The following ST6GAL1 variants were observed in gnomAD, a reference collection of about 807,000 sequenced individuals.
ST6GAL1 encodes the protein ST6 beta-galactoside alpha-2,6-sialyltransferase 1, also known as beta-galactoside alpha-2,6-sialyltransferase 1.
Under a neutral mutation model 38.0 loss-of-function variants are expected in ST6GAL1, and 20 were observed. The ratio of observed to expected loss-of-function variants is 0.53; its 90% CI spans 0.37 to 0.77. The LOEUF (loss-of-function observed/expected upper bound fraction) is 0.77. Ranked by LOEUF, ST6GAL1 falls within the 30% of genes least tolerant of loss-of-function variation. The pLI is 0.00. For synonymous variants in ST6GAL1, 196 were observed against 188.2 expected (o/e 1.04, Z -0.34); for missense variants, 432 against 496.4 (o/e 0.87, Z 1.23).
chr3:187,064,475 C>T (rs1402713005), intron 5 of ST6GAL1: 2 of 455,534 alleles, frequency 4.4e-6, no homozygotes, highest in Non-Finnish European at 4.4e-6. Flanking sequence ...TCAGAAAATG[C>T]ATGGCTTTCT....
At chr3:186,966,220 G>A (rs891106127) in intron 2 of ST6GAL1, among the ~76,000 whole-genome samples, 1 of 152,158 alleles carries the variant, frequency 6.6e-6, no homozygotes, top group African/African-American at 2.4e-5. Flanking sequence ...CTTATTCTGA[G>A]AATCTTTAGA....
intron 5 of ST6GAL1, among the ~76,000 whole-genome samples, chr3:187,057,258 T>C (rs572627211): frequency 6.6e-6 from 1 of 152,326 alleles, no homozygotes; most frequent in Admixed American, 6.5e-5. Context: ...CATCCTCCTT[T>C]AGCTTGGAGA....
At position 187,076,962 on chromosome 3, in the gene ST6GAL1, C is replaced by T; in HGVS notation, c.*1159C>T. 2.6e-6 allele frequency: 1 copy of T among 389,588 alleles called. No individual in the cohort carries two copies. The highest frequency in any genetic ancestry group is 4.4e-6 in the Non-Finnish European group (1 of 224,958). 24.1% of individuals were successfully genotyped at this position (389,588 alleles called of 1,614,324 possible). On this transcript the variant is annotated 3_prime_UTR_variant, in exon 8 of 8. Transcript: ENST00000169298. ...TTCAATACCTACCCCCAAATCTTCT[C>T]CTAACCACCATCTGTTTTTTTTTTT...
chr3:187,065,848 C>T (rs1367176045), intron 5 of ST6GAL1, among the ~76,000 whole-genome samples: 2 of 152,196 alleles, frequency 1.3e-5, no homozygotes, highest in African/African-American at 2.4e-5. Flanking sequence ...TGCCTTCTCT[C>T]ATTTGATCTT....
Position 187,076,976 on chromosome 3 carries a change from G to GTTTTTTTT in ST6GAL1, c.*1178_*1185dup. The GTTTTTTTT allele has an allele frequency of 2.7e-6, 1 of 376,292 alleles. No individual in the cohort carries two copies. The highest frequency in any genetic ancestry group is 4.6e-5 in the Admixed American group (1 of 21,790). The allele number at this position is 376,292 out of a possible 1,614,324, so 23.3% of individuals were successfully genotyped here. A position where few individuals can be genotyped will look rare whatever the true frequency, so the allele number is the denominator to read the frequency against. ...CCAAATCTTCTCCTAACCACCATCT[G>GTTTTTTTT]TTTTTTTTTTTTAAAGCATTTTTTG... On this transcript the variant is annotated 3_prime_UTR_variant, in exon 8 of 8. Coordinates refer to ENST00000169298, the MANE Select transcript of ST6GAL1 (RefSeq NM_173216.2).
At chr3:186,981,923 C>A (rs1481327497) in intron 2 of ST6GAL1, among the ~76,000 whole-genome samples, 1 of 152,204 alleles carries the variant, frequency 6.6e-6, no homozygotes, top group Non-Finnish European at 1.5e-5. Flanking sequence ...ATAATAATAG[C>A]TGCCACTGTG....
intron 2 of ST6GAL1, among the ~76,000 whole-genome samples, chr3:186,992,048 G>A (rs1029738327): frequency 2.0e-5 from 3 of 152,304 alleles, no homozygotes; most frequent in South Asian, 2.1e-4. Context: ...AGACTCTGCT[G>A]TGGTACGTGA....
chr3:186,967,490 C>T lies in ST6GAL1; in HGVS notation c.-183+3564C>T, dbSNP rs575585346. On this transcript the variant is annotated intron_variant, in intron 2 of 7. Transcript: ENST00000169298. ...TACAAGTGTGAGCGACTGCGCCTGG[C>T]CCGAACACAGAGTTTTAAGTACCTA... is the stretch of plus-strand genomic sequence containing the variant. Among the ~76,000 whole-genome samples, 21 of 152,316 alleles carry T rather than the reference C, an allele frequency of 1.4e-4. No homozygotes were observed. The South Asian group carries it at 4.1e-3, about 30-fold the overall frequency.
chr3:187,043,981 G>C (rs1177802353), intron 4 of ST6GAL1: 1 of 152,204 alleles, frequency 6.6e-6, no homozygotes, highest in Non-Finnish European at 1.5e-5. Flanking sequence ...CTGCAATTGC[G>C]TGCAAAACTG....
rs1579244176 is a variant in ST6GAL1 at position 186,930,822 on chromosome 3, G to A, written c.-337G>A. The stretch of plus-strand genomic sequence containing the variant: ...CTGAGCAACCGCAGCCTCCGCGGCC[G>A]AGAGTGCAGCGAGTGAGTAGGGGGT... On this transcript the variant is annotated 5_prime_UTR_variant, in exon 1 of 8. Transcript: ENST00000169298. 6.6e-6 allele frequency: 1 copy of A among 152,498 alleles called. No individual in the cohort carries two copies. Among genetic ancestry groups the A allele is most frequent in the Non-Finnish European group, 1.5e-5 (1 of 68,250 alleles). 9.4% of individuals were successfully genotyped at this position (152,498 alleles called of 1,614,324 possible).
chr3:187,013,451 G>A (rs576610360), intron 2 of ST6GAL1, among the ~76,000 whole-genome samples: 17 of 152,320 alleles, frequency 1.1e-4, no homozygotes, highest in African/African-American at 3.8e-4. Context: ...CCTGGTTTCA[G>A]GCTTTTTCTA....
intron 5 of ST6GAL1, among the ~76,000 whole-genome samples, chr3:187,068,500 A>T (rs543515608): frequency 6.6e-6 from 1 of 152,182 alleles, no homozygotes; most frequent in Non-Finnish European, 1.5e-5. Context: ...CTTACTTCCT[A>T]GGGCTGTTGT....
At chr3:186,989,423 C>T (rs1173100248) in intron 2 of ST6GAL1, among the ~76,000 whole-genome samples, 1 of 152,188 alleles carries the variant, frequency 6.6e-6, no homozygotes, top group Non-Finnish European at 1.5e-5. Context: ...GAAGGGTTGT[C>T]ATTATTACAG....
intron 1 of ST6GAL1, among the ~76,000 whole-genome samples, chr3:186,947,106 G>A (rs925622003): frequency 2.0e-5 from 3 of 152,126 alleles, no homozygotes; most frequent in Non-Finnish European, 2.9e-5. Flanking sequence ...TTGGTGGTTC[G>A]TGGTTGGAGA....
chr3:186,996,832 C>G (rs1716427138), intron 2 of ST6GAL1, among the ~76,000 whole-genome samples: 2 of 151,942 alleles, frequency 1.3e-5, no homozygotes, highest in Admixed American at 1.3e-4. Flanking sequence ...CTGTTGGCCA[C>G]TACATACGTG....
rs546112181 is a variant in ST6GAL1 at position 186,932,732 on chromosome 3, C to G, written c.-325+1898C>G. ...CTGAGCCACTTGTGGGAGAACAAAG[C>G]ATTGTTTTCACTGATCTTATTAAAG... On this transcript the variant is annotated intron_variant, in intron 1 of 7. Coordinates refer to ENST00000169298, the MANE Select transcript of ST6GAL1 (RefSeq NM_173216.2). 1.0e-4 allele frequency among the ~76,000 whole-genome samples: 15 copies of G among 146,182 alleles called. No homozygotes were observed. In the South Asian group the frequency reaches 3.0e-3, roughly 29 times the overall value.
At chr3:186,996,627 G>A (rs9825188) in intron 2 of ST6GAL1, 2 of 152,156 alleles carry the variant, frequency 1.3e-5, no homozygotes. Context: ...AAGTAGCAAA[G>A]GCAAGAAGGC....
chr3:187,043,333 G>A, intron 4 of ST6GAL1, 23 bp downstream of exon 4: 1 of 1,598,802 alleles, frequency 6.3e-7, no homozygotes, highest in Non-Finnish European at 8.5e-7. Context: ...GTTGTTCTGT[G>A]AATGGCAGTG....
intron 2 of ST6GAL1, among the ~76,000 whole-genome samples, chr3:187,013,580 T>A (rs1717024991): frequency 6.6e-6 from 1 of 152,122 alleles, no homozygotes; most frequent in Non-Finnish European, 1.5e-5. Flanking sequence ...TGGCAACTAT[T>A]GTTTTGTTTT....
Sources: allele counts gnomAD v4.1 joint callset (sites outside exome capture counted in the v4.1 genomes callset), GRCh38; gene constraint gnomAD v4.1.1; transcripts MANE v1.5; gene names NCBI Gene and HGNC (gene_info 2026-07-23, HGNC 2026-07-21).